The following ABHD12B variants were observed in gnomAD, a reference collection of about 807,000 sequenced individuals.
ABHD12B encodes protein ABHD12B.
In ABHD12B, 42 loss-of-function variants were observed where a neutral mutation model predicts 50.4. That is an observed-to-expected ratio of 0.83 (90% confidence interval 0.65 to 1.08). The LOEUF (loss-of-function observed/expected upper bound fraction) is 1.08. Ranked by LOEUF, ABHD12B falls within the 50% of genes least tolerant of loss-of-function variation. The pLI, the probability that ABHD12B is intolerant of heterozygous loss-of-function variation, is 0.00. For missense variants in ABHD12B, 479 were observed against 447.7 expected, an observed-to-expected ratio of 1.07 and a Z score of -0.63; for synonymous variants, 167 against 160.3, an observed-to-expected ratio of 1.04 and a Z score of -0.32.
chr14:50,900,745 A>G (rs956721960), intron 9 of ABHD12B, among the ~76,000 whole-genome samples: 13 of 152,224 alleles, frequency 8.5e-5, no homozygotes, highest in African/African-American at 3.1e-4. Flanking sequence ...CCAGAAGCAG[A>G]AGGCAGCAGA....
Position 50,904,559 on chromosome 14 carries a change from A to G in ABHD12B, c.*193A>G. The G allele has an allele frequency of 1.4e-6, 1 of 690,344 alleles. No homozygotes were observed. The highest frequency in any genetic ancestry group is 2.4e-6 in the Non-Finnish European group (1 of 413,648). The allele number at this position is 690,344 out of a possible 1,614,324, so 42.8% of individuals were successfully genotyped here. A position where few individuals can be genotyped will look rare whatever the true frequency, so the allele number is the denominator to read the frequency against. On this transcript the variant is annotated 3_prime_UTR_variant, in exon 13 of 13. Transcript: ENST00000337334. ...ATGGAATGTTCTTATTTAGCTTATC[A>G]TAATCTACTTTGTAAAACATGCTGA...
At position 50,904,093 on chromosome 14, in the gene ABHD12B, A is replaced by G. The variant is rs1461065036; in HGVS notation, c.962A>G (p.Asn321Ser). 6 of 1,613,716 alleles carry G rather than the reference A, an allele frequency of 3.7e-6. No homozygotes were observed. The African/African-American group carries it at 5.3e-5, about 14-fold the overall frequency. The change falls in exon 12 of 13, where the codon AAT (asparagine) becomes AGT (serine). Residue 321 changes from asparagine to serine, a missense_variant. Coordinates refer to ENST00000337334, the MANE Select transcript of ABHD12B (RefSeq NM_001206673.2). Reference sequence around the variant, plus strand: ...TTGCAGCTCTATGAAATTGCACGCAATGCATACAGGAACAAAGAGAGGGTC... The same window carrying G: ...TTGCAGCTCTATGAAATTGCACGCAGTGCATACAGGAACAAAGAGAGGGTC... ...YGKKLYEIAR[N>S]AYRNKERVKM...
intron 1 of ABHD12B, 47 bp downstream of exon 1, chr14:50,872,325 C>T (rs1293671051): frequency 1.6e-6 from 2 of 1,222,668 alleles, no homozygotes; most frequent in South Asian, 3.1e-5. Flanking sequence ...ACGGCTCAGG[C>T]TGCGCGGGGA....
chr14:50,892,440 G>C, intron 9 of ABHD12B: 1 of 985,396 alleles, frequency 1.0e-6, no homozygotes, highest in Non-Finnish European at 1.2e-6. Flanking sequence ...TGAAGCAAAG[G>C]GCCTGTTGTT....
chr14:50,886,167 G>A (rs1343356371), intron 7 of ABHD12B, among the ~76,000 whole-genome samples: 1 of 152,164 alleles, frequency 6.6e-6, no homozygotes, highest in East Asian at 1.9e-4. Context: ...GCCAGGCGGG[G>A]TAGCTCACAC....
Position 50,904,611 on chromosome 14 carries a change from G to T in ABHD12B, c.*245G>T. On this transcript the variant is annotated 3_prime_UTR_variant, in exon 13 of 13. Transcript: ENST00000337334. Reference sequence around the variant, plus strand: ...ACCTCACTGTGGAGAACCAGAATTTGGTAAAATCTAGATCCTATCTAAAAA... The same window carrying T: ...ACCTCACTGTGGAGAACCAGAATTTTGTAAAATCTAGATCCTATCTAAAAA... The T allele has an allele frequency of 5.2e-6, 3 of 572,346 alleles. No homozygotes were observed. The South Asian group carries it at 6.9e-5, about 13-fold the overall frequency. 35.5% of individuals were successfully genotyped at this position (572,346 alleles called of 1,614,324 possible). A position where few individuals can be genotyped will look rare whatever the true frequency, so the allele number is the denominator to read the frequency against.
chr14:50,888,040 C>T (rs577299236), intron 8 of ABHD12B, among the ~76,000 whole-genome samples: 5 of 152,258 alleles, frequency 3.3e-5, no homozygotes, highest in African/African-American at 1.2e-4. Flanking sequence ...CACTAGCCCC[C>T]ATATCCTTTC....
chr14:50,902,968 G>A (rs560190866), intron 10 of ABHD12B, among the ~76,000 whole-genome samples: 1 of 152,280 alleles, frequency 6.6e-6, no homozygotes, highest in Admixed American at 6.5e-5. Flanking sequence ...TTCTGTCATA[G>A]TTTTTGTTTT....
intron 1 of ABHD12B, among the ~76,000 whole-genome samples, chr14:50,877,520 G>A (rs2049878862): frequency 6.6e-6 from 1 of 151,988 alleles, no homozygotes; most frequent in African/African-American, 2.4e-5. Context: ...TTCCTTACCT[G>A]GTTTCCCCTT....
At position 50,872,184 on chromosome 14, in the gene ABHD12B, C is replaced by A; in HGVS notation, c.10C>A (p.Gln4Lys). MDA[Q>K]DCQAAASPEP... ...CGGGACACGGCGCGGGATGGACGCG[C>A]AGGACTGCCAGGCGGCCGCATCGCC... Residue 4 changes from glutamine to lysine, a missense_variant, in exon 1 of 13, where the codon CAG becomes AAG. By Grantham distance (53) the Gln-to-Lys change is moderately conservative (BLOSUM62 1). Transcript: ENST00000337334. 1 of 1,352,764 alleles carries A rather than the reference C, an allele frequency of 7.4e-7. No homozygotes were observed. The highest frequency in any genetic ancestry group is 9.5e-7 in the Non-Finnish European group (1 of 1,050,546). 83.8% of individuals were successfully genotyped at this position (1,352,764 alleles called of 1,614,324 possible). A position where few individuals can be genotyped will look rare whatever the true frequency, so the allele number is the denominator to read the frequency against.
In ABHD12B at chr14:50,880,414, C is replaced by G. The variant is rs2049922515; in HGVS notation, c.336-38C>G. The stretch of plus-strand genomic sequence containing the variant: ...GGCCTTTGGAAAGGATGGAGAATTC[C>G]TCTTTCTACATTTGTTTAAACCTCC... On this transcript the variant is annotated intron_variant, in intron 3 of 12. Coordinates refer to ENST00000337334, the MANE Select transcript of ABHD12B (RefSeq NM_001206673.2). The G allele has an allele frequency of 1.9e-6, 3 of 1,539,856 alleles. No homozygotes were observed. In the African/African-American group the frequency reaches 4.2e-5, roughly 21 times the overall value.
chr14:50,904,249 G>A lies in ABHD12B; in HGVS notation c.1061+57G>A, dbSNP rs1469632913. On this transcript the variant is annotated intron_variant, in intron 12 of 12. Coordinates refer to ENST00000337334, the MANE Select transcript of ABHD12B (RefSeq NM_001206673.2). Reference sequence around the variant, plus strand: ...CTTCAAGGCAATTAGGGCTGCTCTGGCTTACTTAGGCCACAACATGAAAAT... The same window carrying A: ...CTTCAAGGCAATTAGGGCTGCTCTGACTTACTTAGGCCACAACATGAAAAT... The A allele has an allele frequency of 5.6e-6, 9 of 1,613,434 alleles. No homozygotes were observed. The East Asian group carries it at 1.8e-4, about 32-fold the overall frequency.
At chr14:50,899,738 C>G (rs1305136546) in intron 9 of ABHD12B, among the ~76,000 whole-genome samples, 1 of 152,038 alleles carries the variant, frequency 6.6e-6, no homozygotes, top group African/African-American at 2.4e-5. Flanking sequence ...GCCTAGCCAA[C>G]ATGGCGAAAC....
chr14:50,888,389 A>G (rs2050070852), intron 8 of ABHD12B, among the ~76,000 whole-genome samples: 1 of 151,978 alleles, frequency 6.6e-6, no homozygotes, highest in Admixed American at 6.6e-5. Flanking sequence ...TTTTTAGTAG[A>G]GATGGGGTTT....
intron 5 of ABHD12B, among the ~76,000 whole-genome samples, chr14:50,884,576 G>A (rs1453876204): frequency 6.6e-6 from 1 of 152,186 alleles, no homozygotes; most frequent in Non-Finnish European, 1.5e-5. Context: ...CAGTTTATCC[G>A]TAAAATGGGG....
intron 1 of ABHD12B, among the ~76,000 whole-genome samples, chr14:50,874,979 T>C (rs1023014963): frequency 6.6e-6 from 1 of 152,234 alleles, no homozygotes; most frequent in African/African-American, 2.4e-5. Context: ...ATAAATGCAC[T>C]CTCTTTCTAT....
At position 50,886,703 on chromosome 14, in the gene ABHD12B, G is replaced by A. The variant is rs1262437023; in HGVS notation, c.700+19G>A. 4 of 1,601,230 alleles carry A rather than the reference G, an allele frequency of 2.5e-6. No individual in the cohort carries two copies. In the African/African-American group the frequency reaches 5.3e-5, roughly 21 times the overall value. On this transcript the variant is annotated intron_variant, in intron 8 of 12. Transcript: ENST00000337334. ...GAAAAAGGTAATATAAAATGCTTAA[G>A]TGGTATAATTTCCCATCTTCAGATG...
chr14:50,901,686 T>G, intron 9 of ABHD12B, 143 bp from the exon 10 acceptor site: 2 of 436,862 alleles, frequency 4.6e-6, no homozygotes, highest in Non-Finnish European at 4.0e-6. Flanking sequence ...CATTACTTTT[T>G]AAATCGTAGA....
At chr14:50,896,318 C>T (rs948911502) in intron 9 of ABHD12B, among the ~76,000 whole-genome samples, 2 of 152,124 alleles carry the variant, frequency 1.3e-5, no homozygotes, top group African/African-American at 4.8e-5. Flanking sequence ...ATACCACCCC[C>T]CAAAAATTTT....
Sources: gnomAD v4.1 joint callset for allele counts (sites outside exome capture counted in the v4.1 genomes callset) on GRCh38, gnomAD v4.1.1 for gene constraint, MANE v1.5 for transcripts, NCBI Gene and HGNC (gene_info 2026-07-23, HGNC 2026-07-21) for gene names.